The following TNFAIP8L1 variants were observed in gnomAD, a reference collection of about 807,000 sequenced individuals.
The protein encoded by TNFAIP8L1 is tumor necrosis factor alpha-induced protein 8-like protein 1.
For synonymous variants in TNFAIP8L1, 127 were observed against 125.6 expected, an observed-to-expected ratio of 1.01 and a Z score of -0.08; for missense variants, 225 against 266.1, an observed-to-expected ratio of 0.85 and a Z score of 1.08.
At chr19:4,647,346 G>C (rs907694429) in intron 1 of TNFAIP8L1, among the ~76,000 whole-genome samples, 3 of 151,940 alleles carry the variant, frequency 2.0e-5, no homozygotes, top group East Asian at 1.9e-4. Context: ...ACGGAGTCTC[G>C]CTCTATCACC....
Position 4,651,873 on chromosome 19 carries a change from GAC to G in TNFAIP8L1, c.7_8del (p.Thr3LeufsTer17). The G allele has an allele frequency of 6.3e-7, 1 of 1,599,170 alleles. No individual in the cohort carries two copies. The highest frequency in any genetic ancestry group is 8.6e-7 in the Non-Finnish European group (1 of 1,169,150). Reference sequence around the variant, plus strand: ...TGGTCTGTGTCCCCCGCAGGCCATGGACACCTTCAGCACCAAGAGCCTGGCTC... The same window carrying G: ...TGGTCTGTGTCCCCCGCAGGCCATGGACCTTCAGCACCAAGAGCCTGGCTC... M[D>X]TFSTKSLALQ... On this transcript the variant is annotated frameshift_variant, in exon 2 of 2. Coordinates refer to ENST00000327473, the MANE Select transcript of TNFAIP8L1 (RefSeq NM_152362.3). LOFTEE classifies it low-confidence loss of function (END_TRUNC).
At chr19:4,649,737 C>T (rs1020713745) in intron 1 of TNFAIP8L1, among the ~76,000 whole-genome samples, 7 of 152,248 alleles carry the variant, frequency 4.6e-5, no homozygotes, top group South Asian at 2.1e-4. Flanking sequence ...GGGTCTGCCA[C>T]GTGGCACTGA....
At position 4,652,241 on chromosome 19, in the gene TNFAIP8L1, C is replaced by T; in HGVS notation, c.372C>T (p.Arg124=). The change falls in exon 2 of 2, where the codon CGC becomes CGT. Residue 124 remains arginine, a synonymous_variant. Coordinates refer to ENST00000327473, the MANE Select transcript of TNFAIP8L1 (RefSeq NM_152362.3). The stretch of plus-strand genomic sequence containing the variant: ...TGGCCGCCGGGCTGCTCGAGTGCCG[C>T]GACCTGCTGCACCAGGCCGTGGGTC... The part of the protein sequence containing the change: ...RVLAAGLLEC[R]DLLHQAVGPH... The T allele has an allele frequency of 3.2e-6, 5 of 1,552,380 alleles. No homozygotes were observed. The highest frequency in any genetic ancestry group is 4.3e-6 in the Non-Finnish European group (5 of 1,152,104).
In TNFAIP8L1 at chr19:4,645,310, G is replaced by C. The variant is rs1401345836; in HGVS notation, c.-4+5681G>C. On this transcript the variant is annotated intron_variant, in intron 1 of 1. Transcript: ENST00000327473. This position sits in a 1 kb window ranked among gnomAD's most constrained non-coding sequence, Gnocchi z 4.1. ...CACCTGTAATCCCAGCAGTTTGGGA[G>C]GCCGAGGCGAGTAGATCACTTGAGG... Among the ~76,000 whole-genome samples, 1 of 151,894 alleles carries C rather than the reference G, an allele frequency of 6.6e-6. No homozygotes were observed. Among genetic ancestry groups the C allele is most frequent in the East Asian group, 1.9e-4 (1 of 5,164 alleles).
intron 1 of TNFAIP8L1, among the ~76,000 whole-genome samples, chr19:4,644,213 C>T (rs2088288832): frequency 6.6e-6 from 1 of 151,324 alleles, no homozygotes; most frequent in Non-Finnish European, 1.5e-5. Flanking sequence ...AAGAGTGAAA[C>T]TCCGTCTCAA....
chr19:4,642,720 G>A (rs941857402), intron 1 of TNFAIP8L1, among the ~76,000 whole-genome samples: 6 of 150,902 alleles, frequency 4.0e-5, no homozygotes, highest in African/African-American at 1.2e-4. Context: ...TGGGGCTGGA[G>A]CAGTGAGGAG....
chr19:4,650,856 C>T (rs537220094), intron 1 of TNFAIP8L1, among the ~76,000 whole-genome samples: 69 of 152,176 alleles, frequency 4.5e-4, no homozygotes, highest in African/African-American at 1.6e-3. Context: ...TGGTGGCGGG[C>T]GCCTGTAGTC....
At position 4,652,421 on chromosome 19, in the gene TNFAIP8L1, C is replaced by G. The variant is rs377560966; in HGVS notation, c.552C>G (p.Gly184=). The G allele has an allele frequency of 6.6e-7, 1 of 1,526,162 alleles. No individual in the cohort carries two copies. The highest frequency in any genetic ancestry group is 2.0e-5 in the Admixed American group (1 of 50,336). 94.5% of individuals were successfully genotyped at this position (1,526,162 alleles called of 1,614,324 possible). The change falls in exon 2 of 2, where the codon GGC becomes GGG. Residue 184 remains glycine (G), a synonymous_variant. Transcript: ENST00000327473. ...GCCTGGGCCGGATGCTGGACGAGGG[C>G]AGCCTCTGAACCCCGGCGCCGCCCA... ...CEGLGRMLDE[G]SL
Position 4,651,850 on chromosome 19 carries a change from G to C in TNFAIP8L1, c.-3-17G>C. Reference sequence around the variant, plus strand: ...CCCCAACGTGCAAAACTGAGGGCTGGTCTGTGTCCCCCGCAGGCCATGGAC... The same window carrying C: ...CCCCAACGTGCAAAACTGAGGGCTGCTCTGTGTCCCCCGCAGGCCATGGAC... On this transcript the variant is annotated splice_polypyrimidine_tract_variant and intron_variant, in intron 1 of 1. Transcript: ENST00000327473. 2 of 1,579,648 alleles carry C rather than the reference G, an allele frequency of 1.3e-6. No homozygotes were observed. The highest frequency in any genetic ancestry group is 1.7e-6 in the Non-Finnish European group (2 of 1,158,512).
In TNFAIP8L1 at chr19:4,652,865, C is replaced by A. The variant is rs922944230; in HGVS notation, c.*435C>A. ...AGTGTTAGGGGGCAAGTCGCGGCAC[C>A]CCCCCTTCCATAAACTCACGTCCTA... On this transcript the variant is annotated 3_prime_UTR_variant, in exon 2 of 2. Transcript: ENST00000327473. 1 of 189,304 alleles carries A rather than the reference C, an allele frequency of 5.3e-6. No individual in the cohort carries two copies. The highest frequency in any genetic ancestry group is 1.2e-5 in the Non-Finnish European group (1 of 83,774). 11.7% of individuals were successfully genotyped at this position (189,304 alleles called of 1,614,324 possible). A position where few individuals can be genotyped will look rare whatever the true frequency, so the allele number is the denominator to read the frequency against.
rs1471758297 is a variant in TNFAIP8L1, at chr19:4,651,806, C to T, written c.-3-61C>T. ...CCTCTGGGGTCTGTGGTGTTGTCAC[C>T]TCTTCTGTGTGAGGAGTGCCCCAAC... On this transcript the variant is annotated intron_variant, in intron 1 of 1. Coordinates refer to ENST00000327473, the MANE Select transcript of TNFAIP8L1 (RefSeq NM_152362.3). 3 of 1,511,686 alleles carry T rather than the reference C, an allele frequency of 2.0e-6. No homozygotes were observed. The African/African-American group carries it at 4.2e-5, about 21-fold the overall frequency. The allele number at this position is 1,511,686 out of a possible 1,614,324, so 93.6% of individuals were successfully genotyped here.
In TNFAIP8L1 at chr19:4,645,326, T is replaced by G. The variant is rs1265974075; in HGVS notation, c.-4+5697T>G. Among the ~76,000 whole-genome samples the G allele has an allele frequency of 6.7e-6, 1 of 148,690 alleles. No individual in the cohort carries two copies. The highest frequency in any genetic ancestry group is 2.6e-5 in the African/African-American group (1 of 38,908). Reference sequence around the variant, plus strand: ...AGTTTGGGAGGCCGAGGCGAGTAGATCACTTGAGGCCGGGAGTTAGAGACC... The same window carrying G: ...AGTTTGGGAGGCCGAGGCGAGTAGAGCACTTGAGGCCGGGAGTTAGAGACC... On this transcript the variant is annotated intron_variant, in intron 1 of 1. Coordinates refer to ENST00000327473, the MANE Select transcript of TNFAIP8L1 (RefSeq NM_152362.3). The surrounding 1 kb of genome is among the most constrained non-coding windows in gnomAD (Gnocchi z 4.1).
chr19:4,651,825 C>A (rs765341263), intron 1 of TNFAIP8L1, 42 bp from the exon 2 acceptor site: 1 of 1,542,880 alleles, frequency 6.5e-7, no homozygotes, highest in Non-Finnish European at 8.8e-7. Flanking sequence ...GTGAGGAGTG[C>A]CCCAACGTGC....
intron 1 of TNFAIP8L1, among the ~76,000 whole-genome samples, chr19:4,650,004 G>A (rs981543826): frequency 3.9e-5 from 6 of 152,356 alleles, no homozygotes; most frequent in Admixed American, 3.9e-4. Context: ...GGCTGAGCAG[G>A]GTCTGGGGCA....
chr19:4,645,723 A>G lies in TNFAIP8L1; in HGVS notation c.-4+6094A>G, dbSNP rs2088304534. Among the ~76,000 whole-genome samples the G allele has an allele frequency of 6.8e-6, 1 of 147,738 alleles. No homozygotes were observed. The highest frequency in any genetic ancestry group is 1.5e-5 in the Non-Finnish European group (1 of 66,980). On this transcript the variant is annotated intron_variant, in intron 1 of 1. Transcript: ENST00000327473. This position sits in a 1 kb window ranked among gnomAD's most constrained non-coding sequence, Gnocchi z 4.1. ...ATCCGTCTCAAAAAAAAAAAAAAAA[A>G]GGAATATAGGGAGCAGGGGAAGAGT...
At position 4,645,019 on chromosome 19, in the gene TNFAIP8L1, TG is replaced by T. The variant is rs1373477670; in HGVS notation, c.-4+5391del. On this transcript the variant is annotated intron_variant, in intron 1 of 1. Transcript: ENST00000327473. This position sits in a 1 kb window ranked among gnomAD's most constrained non-coding sequence, Gnocchi z 4.1. Reference sequence around the variant, plus strand: ...TGAGGCCCCCCCTGGGCCCCCGGACTGAGTGCAGCCGGGGCTGAGACAAGAC... The same window carrying T: ...TGAGGCCCCCCCTGGGCCCCCGGACTAGTGCAGCCGGGGCTGAGACAAGAC... 6.6e-6 allele frequency among the ~76,000 whole-genome samples: 1 copy of T among 152,162 alleles called. No homozygotes were observed. Among genetic ancestry groups the T allele is most frequent in the African/African-American group, 2.4e-5 (1 of 41,446 alleles).
chr19:4,643,548 G>A (rs1281693064), intron 1 of TNFAIP8L1, among the ~76,000 whole-genome samples: 2 of 152,218 alleles, frequency 1.3e-5, no homozygotes, highest in Non-Finnish European at 2.9e-5. Flanking sequence ...CCCATCCATG[G>A]GGTGGTCCTG....
Position 4,650,948 on chromosome 19 carries a change from C to T in TNFAIP8L1, c.-3-919C>T, listed in dbSNP as rs572342463. Among the ~76,000 whole-genome samples, 439 of 152,286 alleles carry T rather than the reference C, an allele frequency of 2.9e-3. 1 individual carries two copies. Among genetic ancestry groups the T allele is most frequent in the Non-Finnish European group, 4.0e-3 (275 of 68,006 alleles). Reference sequence around the variant, plus strand: ...GCAGTGAGCCGAGATCGTGCCACCACACTCCAGCCTGGGCGACAGAGGGAG... The same window carrying T: ...GCAGTGAGCCGAGATCGTGCCACCATACTCCAGCCTGGGCGACAGAGGGAG... On this transcript the variant is annotated intron_variant, in intron 1 of 1. Coordinates refer to ENST00000327473, the MANE Select transcript of TNFAIP8L1 (RefSeq NM_152362.3).
intron 1 of TNFAIP8L1, among the ~76,000 whole-genome samples, chr19:4,650,011 G>A (rs1174096968): frequency 6.6e-6 from 1 of 152,228 alleles, no homozygotes; most frequent in East Asian, 1.9e-4. Context: ...CAGGGTCTGG[G>A]GCAGTGAGAG....
Sources: allele counts gnomAD v4.1 joint callset (sites outside exome capture counted in the v4.1 genomes callset), GRCh38; gene constraint gnomAD v4.1.1; non-coding constraint Gnocchi (gnomAD v3.1); transcripts MANE v1.5; gene names NCBI Gene and HGNC (gene_info 2026-07-23, HGNC 2026-07-21).